LYST: variants seen among roughly 807,000 people sequenced by gnomAD.
LYST encodes the protein lysosomal trafficking regulator, also known as lysosomal-trafficking regulator.
A neutral mutation model predicts 413.6 loss-of-function variants in LYST; 192 were observed. That is an observed-to-expected ratio of 0.46 (90% CI 0.41 to 0.52). The LOEUF (loss-of-function observed/expected upper bound fraction) is 0.52, where lower values mean the gene tolerates loss of function less well. Among genes scored for constraint, LYST ranks in the 20% least tolerant of loss-of-function variants. The pLI, the probability that LYST is intolerant of heterozygous loss-of-function variation, is 0.00. For synonymous variants in LYST, 1,525 were observed against 1,567.3 expected (o/e 0.97, Z 0.64); for missense variants, 3,815 against 4,499.9 (o/e 0.85, Z 4.35).
At chr1:235,780,264 T>C (rs1256155715) in intron 16 of LYST, among the ~76,000 whole-genome samples, 4 of 151,716 alleles carry the variant, frequency 2.6e-5, no homozygotes, top group African/African-American at 9.7e-5. Context: ...ATTAGCCCGG[T>C]GTGGTGATGC....
chr1:235,745,065 G>C (rs972280574), intron 29 of LYST, among the ~76,000 whole-genome samples: 1 of 151,726 alleles, frequency 6.6e-6, no homozygotes, highest in Admixed American at 6.6e-5. Context: ...CTTATCTATA[G>C]TGTTTTTTAA....
chr1:235,750,969 T>A (rs560213201), intron 28 of LYST, among the ~76,000 whole-genome samples: 3 of 152,322 alleles, frequency 2.0e-5, no homozygotes, highest in African/African-American at 7.2e-5. Flanking sequence ...GTGTCTGTTT[T>A]TTTCATCATT....
intron 50 of LYST, among the ~76,000 whole-genome samples, chr1:235,676,837 T>C (rs1272180617): frequency 6.6e-6 from 1 of 152,224 alleles, no homozygotes; most frequent in Non-Finnish European, 1.5e-5. Context: ...TAGCTTAACA[T>C]GTACTCAAAT....
chr1:235,664,627 A>T lies in LYST; in HGVS notation c.11039-6T>A. 1 of 1,614,070 alleles carries T rather than the reference A, an allele frequency of 6.2e-7. No individual in the cohort carries two copies. The highest frequency in any genetic ancestry group is 1.7e-5 in the Admixed American group (1 of 60,012). ...GAGGTCACTGCCTCCGCCAGCTAAA[A>T]CACCCAAATCATCCGGCGGGTTACC... is the stretch of plus-strand genomic sequence containing the variant. On this transcript the variant is annotated splice_region_variant and splice_polypyrimidine_tract_variant and intron_variant, in intron 50 of 52. Transcript: ENST00000389793. This position sits in a 1 kb window ranked among gnomAD's most constrained non-coding sequence, Gnocchi z 4.5.
intron 3 of LYST, among the ~76,000 whole-genome samples, chr1:235,820,058 T>C (rs1674583058): frequency 6.6e-6 from 1 of 152,246 alleles, no homozygotes; most frequent in Admixed American, 6.5e-5. Flanking sequence ...GAGGTATTTT[T>C]CCATTCAAGA....
chr1:235,665,362 C>T (rs1360365417), intron 50 of LYST, among the ~76,000 whole-genome samples: 1 of 151,934 alleles, frequency 6.6e-6, no homozygotes, highest in Non-Finnish European at 1.5e-5. Context: ...GTAATCCCAG[C>T]ACTTTTGGAG....
chr1:235,716,654 T>C (rs1250098264), intron 41 of LYST, 58 bp downstream of exon 41: 3 of 1,083,874 alleles, frequency 2.8e-6, no homozygotes, highest in Non-Finnish European at 4.2e-6. Context: ...AAAACACAAG[T>C]CTGTAAAACA....
chr1:235,678,567 C>T (rs973863887), intron 48 of LYST, among the ~76,000 whole-genome samples: 1 of 152,016 alleles, frequency 6.6e-6, no homozygotes, highest in African/African-American at 2.4e-5. Context: ...TTCAATATTT[C>T]CCCTTCAAAA....
chr1:235,702,683 G>C, intron 45 of LYST, 64 bp downstream of exon 45: 1 of 1,321,252 alleles, frequency 7.6e-7, no homozygotes, highest in South Asian at 1.2e-5. Context: ...ACCTGGGAGA[G>C]TGCCTGGCAT....
intron 1 of LYST, among the ~76,000 whole-genome samples, chr1:235,838,069 A>G (rs1485271425): frequency 6.6e-6 from 1 of 152,208 alleles, no homozygotes; most frequent in Non-Finnish European, 1.5e-5. Flanking sequence ...ATGTCAGAGA[A>G]TACGAGTATA....
At chr1:235,694,739 A>C (rs1052168879) in intron 46 of LYST, among the ~76,000 whole-genome samples, 1 of 152,170 alleles carries the variant, frequency 6.6e-6, no homozygotes, top group African/African-American at 2.4e-5. Context: ...ACATATCATG[A>C]GTCTTGAGTC....
Position 235,791,720 on chromosome 1 carries a change from C to G in LYST, c.4522G>C (p.Asp1508His), listed in dbSNP as rs1485880526. Residue 1508 changes from aspartate to histidine, a missense_variant, in exon 12 of 53, where the codon GAT becomes CAT. By Grantham distance (81) the Asp-to-His change is moderately conservative. Transcript: ENST00000389793. ...ATACCTGTACCATCAAAACTGCTATCTGGTAAAATTAATGATTTGTTTCTT... is the reference window on the plus strand; with the variant it reads ...ATACCTGTACCATCAAAACTGCTATGTGGTAAAATTAATGATTTGTTTCTT... ...KKRNKSLILP[D>H]SSFDGTESDR... is the part of the protein sequence containing the mutation. 1 of 1,612,234 alleles carries G rather than the reference C, an allele frequency of 6.2e-7. No individual in the cohort carries two copies. The highest frequency in any genetic ancestry group is 2.2e-5 in the East Asian group (1 of 44,874).
chr1:235,862,806 A>AACACACACACAC (rs57043954), intron 1 of LYST, among the ~76,000 whole-genome samples: 1 of 121,424 alleles, frequency 8.2e-6, no homozygotes, highest in Non-Finnish European at 1.8e-5. Context: ...AAAACAAACA[A>AACACACACACAC]ACACACACAC....
At chr1:235,672,469 G>T (rs1431089131) in intron 50 of LYST, among the ~76,000 whole-genome samples, 1 of 152,126 alleles carries the variant, frequency 6.6e-6, no homozygotes, top group Non-Finnish European at 1.5e-5. Flanking sequence ...AGAAGAAAGT[G>T]TTTCACAAAA....
chr1:235,697,540 A>G (rs766115503), intron 45 of LYST, among the ~76,000 whole-genome samples: 6 of 152,186 alleles, frequency 3.9e-5, no homozygotes, highest in Non-Finnish European at 5.9e-5. Flanking sequence ...ATTTGAGCAG[A>G]GAAAAAAATT....
intron 50 of LYST, among the ~76,000 whole-genome samples, chr1:235,666,040 A>G (rs1658425427): frequency 6.6e-6 from 1 of 152,196 alleles, no homozygotes; most frequent in Non-Finnish European, 1.5e-5. Flanking sequence ...AGACAATGAA[A>G]ATATTTCATA....
chr1:235,860,051 T>G (rs1264194762), intron 1 of LYST, among the ~76,000 whole-genome samples: 3 of 152,318 alleles, frequency 2.0e-5, no homozygotes, highest in Non-Finnish European at 2.9e-5. Context: ...ATAGTTTTTC[T>G]AGGAATCAGT....
chr1:235,826,365 T>C (rs1008966228), intron 3 of LYST, among the ~76,000 whole-genome samples: 4 of 152,220 alleles, frequency 2.6e-5, no homozygotes, highest in Non-Finnish European at 5.9e-5. Flanking sequence ...GCCAAATGCA[T>C]ACAGCTCAAA....
At chr1:235,785,079 A>G (rs555434309) in intron 14 of LYST, among the ~76,000 whole-genome samples, 1 of 152,174 alleles carries the variant, frequency 6.6e-6, no homozygotes, top group Non-Finnish European at 1.5e-5. Context: ...GAGGCTGGAC[A>G]GCTGTAAGCA....
Sources: allele counts gnomAD v4.1 joint callset (sites outside exome capture counted in the v4.1 genomes callset), GRCh38; gene constraint gnomAD v4.1.1; non-coding constraint Gnocchi (gnomAD v3.1); transcripts MANE v1.5; gene names NCBI Gene and HGNC (gene_info 2026-07-23, HGNC 2026-07-21).